Variants in PTPRM observed in about 807,000 individuals in gnomAD.
PTPRM encodes receptor-type tyrosine-protein phosphatase mu.
Under a neutral mutation model 186.7 loss-of-function variants are expected in PTPRM, and 47 were observed. That is an observed-to-expected ratio of 0.25 (90% confidence interval 0.20 to 0.32). PTPRM has a LOEUF of 0.32. Among genes scored for constraint, PTPRM ranks in the 10% least tolerant of loss-of-function variants. The pLI is 1.00. For synonymous variants in PTPRM, 668 were observed against 674.9 expected (o/e 0.99, Z 0.16); for missense variants, 1,494 against 1,865.0 (o/e 0.80, Z 3.66).
intron 6 of PTPRM, among the ~76,000 whole-genome samples, chr18:7,952,119 T>C (rs938240630): frequency 6.6e-6 from 1 of 152,248 alleles, no homozygotes; most frequent in Non-Finnish European, 1.5e-5. Context: ...TTTAGTTACG[T>C]TTCTATATTT....
chr18:7,854,968 A>G (rs2047026581), intron 2 of PTPRM, among the ~76,000 whole-genome samples: 1 of 152,080 alleles, frequency 6.6e-6, no homozygotes, highest in African/African-American at 2.4e-5. Flanking sequence ...AGCATCTCCT[A>G]CCCTCAGAAA....
At chr18:7,864,507 A>G (rs1325668670) in intron 2 of PTPRM, among the ~76,000 whole-genome samples, 5 of 152,148 alleles carry the variant, frequency 3.3e-5, no homozygotes, top group Non-Finnish European at 7.4e-5. Context: ...AGATGGTTGT[A>G]CATGTGTGGT....
At chr18:8,301,373 G>C (rs1488364110) in intron 20 of PTPRM, among the ~76,000 whole-genome samples, 1 of 151,956 alleles carries the variant, frequency 6.6e-6, no homozygotes, top group Non-Finnish European at 1.5e-5. Context: ...CACAAGCATA[G>C]CCCTCCTAAT....
intron 6 of PTPRM, among the ~76,000 whole-genome samples, chr18:7,954,770 C>T (rs2053203872): frequency 6.6e-6 from 1 of 152,094 alleles, no homozygotes; most frequent in Non-Finnish European, 1.5e-5. Flanking sequence ...CTAAAACAGG[C>T]ATCACTTTAA....
intron 7 of PTPRM, among the ~76,000 whole-genome samples, chr18:7,976,547 A>G (rs1006629442): frequency 3.3e-5 from 5 of 152,164 alleles, no homozygotes; most frequent in African/African-American, 1.2e-4. Flanking sequence ...GGGAATCTTC[A>G]TATGCTTCGT....
intron 1 of PTPRM, among the ~76,000 whole-genome samples, chr18:7,598,014 T>A (rs1452947806): frequency 6.6e-6 from 1 of 152,042 alleles, no homozygotes; most frequent in African/African-American, 2.4e-5. Context: ...ATTTTGCCTT[T>A]AAAAAAAATT....
intron 19 of PTPRM, among the ~76,000 whole-genome samples, chr18:8,289,400 A>G (rs10221316): frequency 0.031 from 3,477 of 113,366 alleles, 109 homozygotes; most frequent in African/African-American, 0.11. Flanking sequence ...GTGTGTGTGT[A>G]TATATATATA....
At chr18:8,222,635 C>T (rs149201521) in intron 14 of PTPRM, among the ~76,000 whole-genome samples, 163 of 152,272 alleles carry the variant, frequency 1.1e-3, no homozygotes, top group African/African-American at 3.8e-3. Context: ...AAGGGAAAAT[C>T]AGTTTTCCTA....
At chr18:8,194,129 T>C (rs977871528) in intron 14 of PTPRM, among the ~76,000 whole-genome samples, 7 of 152,240 alleles carry the variant, frequency 4.6e-5, no homozygotes, top group African/African-American at 1.7e-4. Context: ...CCTTATTTTA[T>C]GTGTCTAAAC....
chr18:7,649,463 C>A (rs1250618796), intron 1 of PTPRM, among the ~76,000 whole-genome samples: 1 of 152,084 alleles, frequency 6.6e-6, no homozygotes, highest in South Asian at 2.1e-4. Flanking sequence ...AATGGAAAAC[C>A]TCCTGGAAAG....
At chr18:7,697,136 G>A (rs541415597) in intron 1 of PTPRM, among the ~76,000 whole-genome samples, 44 of 152,124 alleles carry the variant, frequency 2.9e-4, no homozygotes, top group Non-Finnish European at 5.9e-4. Flanking sequence ...ATTGAATGTC[G>A]GGGTGTGTTA....
At chr18:8,068,524 T>C (rs2089247360) in intron 7 of PTPRM, among the ~76,000 whole-genome samples, 1 of 152,228 alleles carries the variant, frequency 6.6e-6, no homozygotes, top group Non-Finnish European at 1.5e-5. Flanking sequence ...AAAATGCTTA[T>C]ATTCTCTCCA....
intron 1 of PTPRM, among the ~76,000 whole-genome samples, chr18:7,679,718 A>G (rs1378525778): frequency 1.3e-5 from 2 of 152,070 alleles, no homozygotes; most frequent in Non-Finnish European, 2.9e-5. Context: ...ATTCTCAGAG[A>G]TCTATATGTA....
intron 7 of PTPRM, among the ~76,000 whole-genome samples, chr18:8,056,857 T>G (rs1415249765): frequency 1.3e-5 from 2 of 152,088 alleles, no homozygotes; most frequent in Admixed American, 1.3e-4. Context: ...TCAGCAGTCT[T>G]ACTTTTAACA....
intron 5 of PTPRM, among the ~76,000 whole-genome samples, chr18:7,936,239 G>A (rs1351371051): frequency 6.6e-6 from 1 of 152,174 alleles, no homozygotes; most frequent in Non-Finnish European, 1.5e-5. Flanking sequence ...TTAGAGGCTG[G>A]GAGCAGGCAG....
intron 14 of PTPRM, among the ~76,000 whole-genome samples, chr18:8,219,030 G>A (rs796446874): frequency 6.6e-5 from 10 of 152,342 alleles, no homozygotes; most frequent in African/African-American, 1.9e-4. Context: ...CTTGCAGGGC[G>A]TGGGAAGTCC....
At chr18:8,377,375 T>C (rs2095703157) in intron 26 of PTPRM, 1 of 152,190 alleles carries the variant, frequency 6.6e-6, no homozygotes, top group South Asian at 2.1e-4. Context: ...AAATGCTGCT[T>C]TCATGGGTTC....
chr18:7,572,875 T>C (rs558758848), intron 1 of PTPRM, among the ~76,000 whole-genome samples: 81 of 152,220 alleles, frequency 5.3e-4, no homozygotes, highest in Non-Finnish European at 1.0e-3. Flanking sequence ...TACAAAATAA[T>C]GTAAATCTTG....
intron 14 of PTPRM, among the ~76,000 whole-genome samples, chr18:8,200,295 C>T (rs1477614080): frequency 6.6e-6 from 1 of 151,922 alleles, no homozygotes; most frequent in Non-Finnish European, 1.5e-5. Context: ...CCCAGGTGGA[C>T]AGTTTGGAGG....
Sources: allele counts gnomAD v4.1 joint callset (sites outside exome capture counted in the v4.1 genomes callset), GRCh38; gene constraint gnomAD v4.1.1; transcripts MANE v1.5; gene names NCBI Gene and HGNC (gene_info 2026-07-23, HGNC 2026-07-21).